The following ITGB1 variants were observed in gnomAD, a reference collection of about 807,000 sequenced individuals.
The protein encoded by ITGB1 is integrin subunit beta 1.
In ITGB1, 24 loss-of-function variants were observed where a neutral mutation model predicts 86.5. The ratio of observed to expected loss-of-function variants is 0.28; its 90% CI spans 0.20 to 0.39. ITGB1 has a LOEUF of 0.39. Among genes scored for constraint, ITGB1 ranks in the 10% least tolerant of loss-of-function variants. The pLI is 1.00. For synonymous variants in ITGB1, 323 were observed against 316.8 expected, an observed-to-expected ratio of 1.02 and a Z score of -0.21; for missense variants, 556 against 946.9, an observed-to-expected ratio of 0.59 and a Z score of 5.42.
chr10:32,907,176 A>G (rs750105502), intron 15 of ITGB1: 7 of 964,530 alleles, frequency 7.3e-6, no homozygotes, highest in Non-Finnish European at 9.0e-6. Flanking sequence ...TAATGATTTC[A>G]TCAGAAAAAA....
At chr10:32,924,714 G>A (rs1320766645) in intron 6 of ITGB1, among the ~76,000 whole-genome samples, 2 of 152,212 alleles carry the variant, frequency 1.3e-5, no homozygotes, top group Non-Finnish European at 2.9e-5. Context: ...AAGAAAAGAG[G>A]TGTAAGGCTA....
intron 2 of ITGB1, among the ~76,000 whole-genome samples, chr10:32,934,828 T>C (rs1027566383): frequency 1.3e-5 from 2 of 152,210 alleles, no homozygotes; most frequent in East Asian, 1.9e-4. Context: ...AGAATGTTTT[T>C]GTTATTACTG....
intron 1 of ITGB1, among the ~76,000 whole-genome samples, chr10:32,953,133 G>A (rs771416060): frequency 1.3e-5 from 2 of 151,982 alleles, no homozygotes; most frequent in East Asian, 1.9e-4. Context: ...TCCAACCTTC[G>A]CTCATACCAT....
chr10:32,933,380 CAGTATGTTA>C, intron 2 of ITGB1: 1 of 152,146 alleles, frequency 6.6e-6, no homozygotes, highest in East Asian at 1.9e-4. Context: ...CCTTTGCTTT[CAGTATGTTA>C]AATAACTGAA....
chr10:32,928,852 A>T (rs887952452), intron 4 of ITGB1, among the ~76,000 whole-genome samples: 6 of 151,938 alleles, frequency 3.9e-5, no homozygotes, highest in Non-Finnish European at 8.8e-5. Context: ...GAAGAGAGAG[A>T]TACAAGAGAC....
chr10:32,925,865 G>T lies in ITGB1; in HGVS notation c.786+6C>A, dbSNP rs200818046. The T allele has an allele frequency of 1.3e-6, 2 of 1,523,734 alleles. No individual in the cohort carries two copies. The highest frequency in any genetic ancestry group is 1.4e-5 in the African/African-American group (1 of 73,120). The allele number at this position is 1,523,734 out of a possible 1,614,324, so 94.4% of individuals were successfully genotyped here. On this transcript the variant is annotated splice_donor_region_variant and intron_variant, in intron 6 of 15. Coordinates refer to ENST00000302278, the MANE Select transcript of ITGB1 (RefSeq NM_002211.4). ...ATATCCCCTGATAGGAAATGAATGCGCTTACTCCACAAACTGCAACTTGCA... is the reference window on the plus strand; with the variant it reads ...ATATCCCCTGATAGGAAATGAATGCTCTTACTCCACAAACTGCAACTTGCA...
At chr10:32,908,045 T>C (rs2094902035) in intron 15 of ITGB1, among the ~76,000 whole-genome samples, 1 of 152,168 alleles carries the variant, frequency 6.6e-6, no homozygotes, top group Non-Finnish European at 1.5e-5. Flanking sequence ...ATTGAATAGC[T>C]TGCTACACAG....
intron 1 of ITGB1, among the ~76,000 whole-genome samples, chr10:32,937,008 G>A (rs1207314941): frequency 3.3e-5 from 5 of 151,974 alleles, no homozygotes; most frequent in Non-Finnish European, 7.4e-5. Flanking sequence ...CAACTTTTTG[G>A]GAAATAATTT....
At chr10:32,907,283 C>A in intron 15 of ITGB1, 1 of 298,946 alleles carries the variant, frequency 3.3e-6, no homozygotes, top group Non-Finnish European at 6.5e-6. Flanking sequence ...TTTTTAAAAA[C>A]CCAAGCAAAT....
chr10:32,921,764 ATT>A (rs2094950657), intron 9 of ITGB1, among the ~76,000 whole-genome samples: 1 of 152,052 alleles, frequency 6.6e-6, no homozygotes, highest in African/African-American at 2.4e-5. Context: ...GTATATTTAC[ATT>A]TTTATATATT....
intron 11 of ITGB1, 35 bp from the exon 12 acceptor site, chr10:32,912,159 A>G (rs1352254122): frequency 1.3e-6 from 2 of 1,569,296 alleles, no homozygotes; most frequent in Non-Finnish European, 1.7e-6. Flanking sequence ...ATCACACAAA[A>G]CAAAAATAAT....
chr10:32,906,433 CA>C (rs1232807591), intron 15 of ITGB1: 24 of 218,662 alleles, frequency 1.1e-4, no homozygotes, highest in South Asian at 2.2e-4. Flanking sequence ...CTACTAAAAA[CA>C]AAAAAATTAG....
chr10:32,936,822 C>G (rs1450893212), intron 1 of ITGB1, among the ~76,000 whole-genome samples: 1 of 152,052 alleles, frequency 6.6e-6, no homozygotes, highest in East Asian at 1.9e-4. Context: ...TGTCCCTCCA[C>G]AAGAAGAAAT....
At chr10:32,946,148 T>C (rs762636298) in intron 1 of ITGB1, among the ~76,000 whole-genome samples, 2 of 152,236 alleles carry the variant, frequency 1.3e-5, no homozygotes, top group Non-Finnish European at 2.9e-5. Flanking sequence ...TCCAAATATA[T>C]GATCTGCCCT....
In ITGB1 at chr10:32,922,248, T is replaced by C. The variant is rs546728514; in HGVS notation, c.1128+9A>G. On this transcript the variant is annotated intron_variant, in intron 9 of 15. Transcript: ENST00000302278. ...TGTCCAAAACTGATCTTATTTAAGA[T>C]GTACTCACATTGTATGCATCAATGA... 1.3e-5 allele frequency: 19 copies of C among 1,507,534 alleles called. No homozygotes were observed. The highest frequency in any genetic ancestry group is 1.2e-4 in the Admixed American group (7 of 56,474). The allele number at this position is 1,507,534 out of a possible 1,614,324, so 93.4% of individuals were successfully genotyped here. A position where few individuals can be genotyped will look rare whatever the true frequency, so the allele number is the denominator to read the frequency against.
chr10:32,944,647 G>A, intron 1 of ITGB1: 1 of 625,858 alleles, frequency 1.6e-6, no homozygotes, highest in Admixed American at 1.9e-5. Flanking sequence ...ATAGCTAGCT[G>A]TTGGGTGGTT....
chr10:32,935,641 C>T (rs924949359), intron 1 of ITGB1, 83 bp from the exon 2 acceptor site: 50 of 932,826 alleles, frequency 5.4e-5, no homozygotes, highest in Non-Finnish European at 7.6e-5. Flanking sequence ...CCCCACCGTA[C>T]CTTCTATTGC....
At chr10:32,953,680 G>A (rs1375557357) in intron 1 of ITGB1, 2 of 152,116 alleles carry the variant, frequency 1.3e-5, no homozygotes, top group African/African-American at 2.4e-5. Flanking sequence ...GGAAACCAAC[G>A]CTCTGGAAGT....
In ITGB1 at chr10:32,912,080, T is replaced by C. The variant is rs942858695; in HGVS notation, c.1514A>G (p.Asp505Gly). Reference sequence around the variant, plus strand: ...ATCCATGTCTTCACTGTTAACTTCATCTGTGCTGCATTCACAATGTCTACC... The same window carrying C: ...ATCCATGTCTTCACTGTTAACTTCACCTGTGCTGCATTCACAATGTCTACC... ...RVGRHCECSTDEVNSEDMDAY... is the reference protein window; with the variant it reads ...RVGRHCECSTGEVNSEDMDAY... Residue 505 changes from aspartate (D) to glycine (G), a missense_variant, in exon 12 of 16, where the codon GAT becomes GGT. Asp to Gly is a moderately conservative substitution (Grantham distance 94). Around this residue, in one of 4 missense-constraint regions of ITGB1, gnomAD observed 330 missense variants for 531.5 expected, o/e 0.62. Transcript: ENST00000302278. 4 of 1,614,232 alleles carry C rather than the reference T, an allele frequency of 2.5e-6. No homozygotes were observed. Among genetic ancestry groups the C allele is most frequent in the Non-Finnish European group, 3.4e-6 (4 of 1,180,034 alleles).
Sources: allele counts gnomAD v4.1 joint callset (sites outside exome capture counted in the v4.1 genomes callset), GRCh38; gene constraint gnomAD v4.1.1; regional missense constraint gnomAD v4.1.1; transcripts MANE v1.5; gene names NCBI Gene and HGNC (gene_info 2026-07-23, HGNC 2026-07-21).